Variants in KALRN observed in about 807,000 individuals in gnomAD.
KALRN encodes the protein kalirin.
In KALRN, 70 loss-of-function variants were observed where a neutral mutation model predicts 353.7. That is an observed-to-expected ratio of 0.20 (90% CI 0.16 to 0.24). The LOEUF is 0.24. Ranked by LOEUF, KALRN falls within the 10% of genes least tolerant of loss-of-function variation. KALRN has a pLI of 1.00. For missense variants in KALRN, 2,791 were observed against 3,756.7 expected (o/e 0.74, Z 6.72); for synonymous variants, 1,391 against 1,434.8 (o/e 0.97, Z 0.69).
chr3:124,630,272 T>C (rs1249265417), intron 34 of KALRN, among the ~76,000 whole-genome samples: 3 of 152,172 alleles, frequency 2.0e-5, no homozygotes, highest in Non-Finnish European at 4.4e-5. Context: ...TATTCTTCCA[T>C]GGCAGCGTGG....
intron 1 of KALRN, among the ~76,000 whole-genome samples, chr3:124,200,285 T>C (rs2075833011): frequency 6.6e-6 from 1 of 152,214 alleles, no homozygotes; most frequent in Non-Finnish European, 1.5e-5. Context: ...CTTAGTTCAT[T>C]TGGGCTGTTA....
intron 34 of KALRN, among the ~76,000 whole-genome samples, chr3:124,619,151 C>T (rs2078990756): frequency 2.0e-5 from 3 of 149,200 alleles, no homozygotes; most frequent in African/African-American, 5.0e-5. Flanking sequence ...TAAGATTCCA[C>T]ATATAAGGGA....
chr3:124,303,848 T>C (rs1477159882), intron 6 of KALRN, among the ~76,000 whole-genome samples: 2 of 152,224 alleles, frequency 1.3e-5, no homozygotes, highest in South Asian at 2.1e-4. Flanking sequence ...ATCAGACCAG[T>C]TGCAGAAAAA....
chr3:124,431,181 G>A (rs2150454767), intron 16 of KALRN, among the ~76,000 whole-genome samples: 1 of 152,246 alleles, frequency 6.6e-6, no homozygotes, highest in African/African-American at 2.4e-5. Flanking sequence ...TTATAAATTA[G>A]GATCCTATTT....
chr3:124,265,298 C>CTTTTTCTTTTTTTTTTT (rs2073376155), intron 4 of KALRN, among the ~76,000 whole-genome samples: 1 of 73,124 alleles, frequency 1.4e-5, no homozygotes, highest in African/African-American at 5.4e-5. Context: ...AGAAAATATT[C>CTTTTTCTTTTTTTTTTT]TTTTTTTTTT....
At chr3:124,550,287 G>A (rs1343612772) in intron 33 of KALRN, among the ~76,000 whole-genome samples, 1 of 152,158 alleles carries the variant, frequency 6.6e-6, no homozygotes, top group Non-Finnish European at 1.5e-5. Context: ...ATAGTGGAGG[G>A]AGCCGGAAGG....
intron 1 of KALRN, among the ~76,000 whole-genome samples, chr3:124,133,342 C>CA (rs145217367): frequency 0.02 from 3,109 of 152,178 alleles, 94 homozygotes; most frequent in African/African-American, 0.071. Flanking sequence ...TCCCCCACCT[C>CA]AAAAAAACAC....
chr3:124,587,705 T>TTTTTTTTTTTTTTTTTTTG, intron 34 of KALRN, among the ~76,000 whole-genome samples: 1 of 132,970 alleles, frequency 7.5e-6, no homozygotes, highest in Non-Finnish European at 1.6e-5. Flanking sequence ...CCACTTTTTT[T>TTTTTTTTTTTTTTTTTTTG]TTTTTTTTTT....
intron 11 of KALRN, among the ~76,000 whole-genome samples, chr3:124,393,929 T>C (rs1016101588): frequency 6.6e-6 from 1 of 152,240 alleles, no homozygotes; most frequent in Non-Finnish European, 1.5e-5. Context: ...TATATTTTTT[T>C]AATCTTCCCT....
intron 22 of KALRN, 100 bp downstream of exon 22, chr3:124,455,459 T>C: frequency 8.3e-7 from 1 of 1,209,510 alleles, no homozygotes; most frequent in South Asian, 1.5e-5. Flanking sequence ...CCAGAGCAGT[T>C]CTTCTGAGCT....
chr3:124,186,157 G>C (rs1466187171), intron 1 of KALRN, among the ~76,000 whole-genome samples: 1 of 152,212 alleles, frequency 6.6e-6, no homozygotes, highest in Non-Finnish European at 1.5e-5. Context: ...AGTTGGTAGA[G>C]AGAGGATACA....
intron 1 of KALRN, among the ~76,000 whole-genome samples, chr3:124,053,575 A>T (rs1455937289): frequency 6.6e-6 from 1 of 152,184 alleles, no homozygotes; most frequent in Non-Finnish European, 1.5e-5. Context: ...AGGGTTTAGC[A>T]CTGCTCCATT....
intron 29 of KALRN, 56 bp from the exon 30 acceptor site, chr3:124,490,638 G>GC: frequency 6.5e-7 from 1 of 1,528,110 alleles, no homozygotes; most frequent in Admixed American, 1.8e-5. Context: ...GTGGAACATG[G>GC]CCCCCTGACT....
intron 1 of KALRN, among the ~76,000 whole-genome samples, chr3:124,180,085 G>A: frequency 6.6e-6 from 1 of 151,518 alleles, no homozygotes; most frequent in Admixed American, 6.5e-5. Flanking sequence ...GCTTGAGCCT[G>A]GGGTAACTGC....
intron 13 of KALRN, among the ~76,000 whole-genome samples, chr3:124,411,829 T>C (rs779700959): frequency 6.6e-6 from 1 of 152,154 alleles, no homozygotes; most frequent in Non-Finnish European, 1.5e-5. Flanking sequence ...TTTTCAAAGA[T>C]GGGGCTTTAA....
intron 14 of KALRN, among the ~76,000 whole-genome samples, chr3:124,415,863 T>C (rs371700060): frequency 1.3e-5 from 2 of 152,136 alleles, no homozygotes; most frequent in East Asian, 3.9e-4. Flanking sequence ...CCCAGACTTG[T>C]GAATCTGAAT....
intron 1 of KALRN, among the ~76,000 whole-genome samples, chr3:124,116,342 T>C (rs950198150): frequency 2.0e-5 from 3 of 151,538 alleles, no homozygotes; most frequent in African/African-American, 7.3e-5. Flanking sequence ...CACTAAGTAA[T>C]TTTTTTTATA....
intron 9 of KALRN, among the ~76,000 whole-genome samples, chr3:124,345,288 T>C (rs2149536790): frequency 6.6e-6 from 1 of 152,336 alleles, no homozygotes; most frequent in African/African-American, 2.4e-5. Context: ...GCACCTAATA[T>C]ATGGGAAACT....
In KALRN at chr3:124,650,800, CTT is replaced by C; in HGVS notation, c.5665-5_5665-4del. ...CACTTCTCTAAGCCTGTTTTTCTCT[CTT>C]TTCAGAGTCTAGAAGGAAGCTCATA... On this transcript the variant is annotated splice_polypyrimidine_tract_variant and splice_region_variant and intron_variant, in intron 37 of 59. Transcript: ENST00000682506. 6.2e-7 allele frequency: 1 copy of C among 1,611,974 alleles called. No individual in the cohort carries two copies. Among genetic ancestry groups the C allele is most frequent in the Non-Finnish European group, 8.5e-7 (1 of 1,178,582 alleles).
Sources: gnomAD v4.1 joint callset for allele counts (sites outside exome capture counted in the v4.1 genomes callset) on GRCh38, gnomAD v4.1.1 for gene constraint, MANE v1.5 for transcripts, NCBI Gene and HGNC (gene_info 2026-07-23, HGNC 2026-07-21) for gene names.